The following BABAM2 variants were observed in gnomAD, a reference collection of about 807,000 sequenced individuals.
BABAM2 encodes BRISC and BRCA1 A complex member 2.
In BABAM2, 31 loss-of-function variants were observed where a neutral mutation model predicts 54.7. The observed-to-expected ratio is 0.57, with a 90% CI of 0.43 to 0.77. The LOEUF (loss-of-function observed/expected upper bound fraction) is 0.77, where lower values mean the gene tolerates loss of function less well. Among genes scored for constraint, BABAM2 ranks in the 30% least tolerant of loss-of-function variants. The pLI is 0.00. For synonymous variants in BABAM2, 167 were observed against 162.9 expected (o/e 1.03, Z -0.19); for missense variants, 364 against 455.8 (o/e 0.80, Z 1.83).
At chr2:28,237,434 C>T (rs941983728) in intron 8 of BABAM2, 133 bp downstream of exon 8, 5 of 709,630 alleles carry the variant, frequency 7.0e-6, no homozygotes, top group African/African-American at 5.3e-5. Context: ...GACACCTGCC[C>T]TTCCTACTGT....
At chr2:28,076,858 T>A (rs978513297) in intron 6 of BABAM2, among the ~76,000 whole-genome samples, 1 of 152,200 alleles carries the variant, frequency 6.6e-6, no homozygotes, top group African/African-American at 2.4e-5. Context: ...TTTTACTTTG[T>A]ATAAAGATAT....
intron 4 of BABAM2, among the ~76,000 whole-genome samples, chr2:27,998,288 T>C (rs1673321089): frequency 6.6e-6 from 1 of 152,000 alleles, no homozygotes; most frequent in Non-Finnish European, 1.5e-5. Flanking sequence ...TTCAAAGAGC[T>C]GGATTTAAAC....
intron 11 of BABAM2, among the ~76,000 whole-genome samples, chr2:28,316,385 T>C (rs1689554278): frequency 1.9e-5 from 1 of 52,708 alleles, no homozygotes; most frequent in Non-Finnish European, 3.6e-5. Context: ...GGAGTGGGAG[T>C]GGGAGTGGAA....
At chr2:28,278,668 A>C (rs1686078544) in intron 10 of BABAM2, among the ~76,000 whole-genome samples, 1 of 152,212 alleles carries the variant, frequency 6.6e-6, no homozygotes, top group Non-Finnish European at 1.5e-5. Context: ...AGCTGGTAGA[A>C]TTCCCACAGG....
At chr2:28,233,696 A>C (rs552188148) in intron 7 of BABAM2, among the ~76,000 whole-genome samples, 1 of 152,360 alleles carries the variant, frequency 6.6e-6, no homozygotes, top group Non-Finnish European at 1.5e-5. Context: ...CTCTCAGTTA[A>C]AACTATCTTT....
chr2:27,982,410 C>G (rs1220815513), intron 3 of BABAM2, among the ~76,000 whole-genome samples: 1 of 152,040 alleles, frequency 6.6e-6, no homozygotes, highest in Non-Finnish European at 1.5e-5. Context: ...TCTGAGAAAG[C>G]ATTGCCTAGC....
intron 6 of BABAM2, among the ~76,000 whole-genome samples, chr2:28,091,120 G>A (rs1025867644): frequency 6.6e-6 from 1 of 151,962 alleles, no homozygotes; most frequent in Non-Finnish European, 1.5e-5. Flanking sequence ...TTTCTATAAA[G>A]ATAAGAAAGT....
At chr2:28,240,877 A>C (rs1034890170) in intron 8 of BABAM2, among the ~76,000 whole-genome samples, 16 of 151,748 alleles carry the variant, frequency 1.1e-4, no homozygotes, top group African/African-American at 3.6e-4. Context: ...TCTCAAAAAA[A>C]AAAAAAAACA....
At chr2:28,079,825 G>A (rs1295909398) in intron 6 of BABAM2, among the ~76,000 whole-genome samples, 1 of 151,982 alleles carries the variant, frequency 6.6e-6, no homozygotes, top group Non-Finnish European at 1.5e-5. Flanking sequence ...AACTGTTAGG[G>A]TTTACGTTTT....
chr2:28,070,873 T>C (rs1445914821), intron 6 of BABAM2, among the ~76,000 whole-genome samples: 1 of 152,168 alleles, frequency 6.6e-6, no homozygotes, highest in Non-Finnish European at 1.5e-5. Context: ...ACTTTAGTTT[T>C]TATATACCTT....
intron 7 of BABAM2, among the ~76,000 whole-genome samples, chr2:28,206,484 C>G (rs1212560340): frequency 6.6e-6 from 1 of 152,042 alleles, no homozygotes; most frequent in Non-Finnish European, 1.5e-5. Context: ...TTGTCCATAC[C>G]TTTTCTGAGG....
At chr2:28,139,040 A>G (rs1004823211) in intron 7 of BABAM2, among the ~76,000 whole-genome samples, 1 of 152,140 alleles carries the variant, frequency 6.6e-6, no homozygotes, top group African/African-American at 2.4e-5. Context: ...GCTGTGGACC[A>G]TGTGCCCCAG....
chr2:28,043,776 A>G (rs1206435601), intron 5 of BABAM2, among the ~76,000 whole-genome samples: 2 of 152,216 alleles, frequency 1.3e-5, no homozygotes, highest in Non-Finnish European at 2.9e-5. Context: ...CAAGAATTAT[A>G]ATAGGATCTC....
intron 3 of BABAM2, among the ~76,000 whole-genome samples, chr2:27,938,978 A>G (rs1343533308): frequency 6.6e-6 from 1 of 152,124 alleles, no homozygotes; most frequent in African/African-American, 2.4e-5. Context: ...ATTTGAGACC[A>G]AGTCTTGCTC....
At chr2:27,978,207 T>G (rs1230555295) in intron 3 of BABAM2, among the ~76,000 whole-genome samples, 2 of 152,102 alleles carry the variant, frequency 1.3e-5, no homozygotes, top group Non-Finnish European at 2.9e-5. Flanking sequence ...TGACTTCATG[T>G]GAGATCTGGT....
chr2:28,332,214 G>A (rs991180734), intron 11 of BABAM2, among the ~76,000 whole-genome samples: 1 of 152,182 alleles, frequency 6.6e-6, no homozygotes, highest in Admixed American at 6.5e-5. Flanking sequence ...ATACGTAGGC[G>A]CTGGGTTGAG....
chr2:28,203,906 T>C (rs895494727), intron 7 of BABAM2, among the ~76,000 whole-genome samples: 2 of 152,180 alleles, frequency 1.3e-5, no homozygotes, highest in Non-Finnish European at 2.9e-5. Flanking sequence ...TGCGCCAGTT[T>C]AGAATCCCAC....
intron 6 of BABAM2, among the ~76,000 whole-genome samples, chr2:28,109,734 C>T (rs1573596678): frequency 1.3e-5 from 2 of 152,160 alleles, no homozygotes; most frequent in Non-Finnish European, 2.9e-5. Flanking sequence ...GGTATATGGA[C>T]GTGACCAGTA....
chr2:28,163,746 T>G (rs531692459), intron 7 of BABAM2, among the ~76,000 whole-genome samples: 3 of 152,342 alleles, frequency 2.0e-5, no homozygotes, highest in South Asian at 2.1e-4. Flanking sequence ...TAAGATCGGC[T>G]GGGCTGATGG....
Sources: allele counts gnomAD v4.1 joint callset (sites outside exome capture counted in the v4.1 genomes callset), GRCh38; gene constraint gnomAD v4.1.1; transcripts MANE v1.5; gene names NCBI Gene and HGNC (gene_info 2026-07-23, HGNC 2026-07-21).